RHOBTB1: variants seen among roughly 807,000 people sequenced by gnomAD.
RHOBTB1 encodes Rho related BTB domain containing 1.
Under a neutral mutation model 71.6 loss-of-function variants are expected in RHOBTB1, and 40 were observed. The observed-to-expected ratio is 0.56, with a 90% CI of 0.43 to 0.73. The LOEUF (loss-of-function observed/expected upper bound fraction) is 0.73, where lower values mean the gene tolerates loss of function less well. RHOBTB1 is among the 30% of genes least tolerant of loss of function. RHOBTB1 has a pLI of 0.00. For missense variants in RHOBTB1, 797 were observed against 894.0 expected (o/e 0.89, Z 1.38); for synonymous variants, 319 against 334.9 (o/e 0.95, Z 0.52).
Position 60,871,627 on chromosome 10 carries a change from T to C in RHOBTB1, c.1946A>G (p.His649Arg). Reference sequence around the variant, plus strand: ...CAGGTACCACACAGGGGGCCAGCGGTGCCGCTCGAAGTATTCCTGGTTGTC... The same window carrying C: ...CAGGTACCACACAGGGGGCCAGCGGCGCCGCTCGAAGTATTCCTGGTTGTC... ...SADNQEYFER[H>R]RWPPVWYLKE... Residue 649 changes from histidine (H) to arginine (R), a missense_variant, in exon 11 of 11, where the codon CAC becomes CGC. His to Arg is a conservative substitution (Grantham distance 29, BLOSUM62 0). Transcript: ENST00000337910. The C allele has an allele frequency of 1.2e-6, 2 of 1,614,020 alleles. No homozygotes were observed. The highest frequency in any genetic ancestry group is 1.7e-6 in the Non-Finnish European group (2 of 1,179,974).
At position 60,998,271 on chromosome 10, in the gene RHOBTB1, G is replaced by A. The variant is rs1029161434; in HGVS notation, c.-163+3128C>T. Among the ~76,000 whole-genome samples the A allele has an allele frequency of 3.9e-5, 6 of 152,136 alleles. No homozygotes were observed. In the East Asian group the frequency reaches 5.8e-4, roughly 15 times the overall value. ...GGGACAATATATTAGCCATTCACAC[G>A]TGTCTTTTATAAGAGATAATTACTT... On this transcript the variant is annotated intron_variant, in intron 1 of 11. Coordinates refer to the RHOBTB1 transcript ENST00000357917.
chr10:60,952,860 G>T (rs905652111), intron 2 of RHOBTB1, among the ~76,000 whole-genome samples: 3 of 151,932 alleles, frequency 2.0e-5, no homozygotes, highest in African/African-American at 4.8e-5. Flanking sequence ...GGATTCTCGG[G>T]GTCCTTGACA....
Position 60,914,889 on chromosome 10 carries a change from G to A in RHOBTB1, c.-10-3337C>T, listed in dbSNP as rs192103648. 7.2e-5 allele frequency among the ~76,000 whole-genome samples: 11 copies of A among 152,318 alleles called. No homozygotes were observed. In the East Asian group the frequency reaches 2.1e-3, roughly 29 times the overall value. ...CCAGACCAAAGTGACTGCCAAAGGT[G>A]CTGACCCTTGTGCAAAAGGGATAAT... On this transcript the variant is annotated intron_variant, in intron 2 of 10. Transcript: ENST00000337910.
chr10:60,893,022 G>C, intron 4 of RHOBTB1, 27 bp from the exon 5 acceptor site: 1 of 1,577,580 alleles, frequency 6.3e-7, no homozygotes, highest in Middle Eastern at 1.7e-4. Flanking sequence ...AAAGAAGCTT[G>C]TATTGCCTTT....
chr10:60,902,260 C>G (rs2082447641), intron 4 of RHOBTB1, among the ~76,000 whole-genome samples: 1 of 152,160 alleles, frequency 6.6e-6, no homozygotes, highest in Non-Finnish European at 1.5e-5. Context: ...TTCTTTAGTA[C>G]AGAATCCCTA....
chr10:60,919,848 C>G (rs996609123), intron 2 of RHOBTB1, among the ~76,000 whole-genome samples: 4 of 152,140 alleles, frequency 2.6e-5, no homozygotes, highest in Non-Finnish European at 1.5e-5. Context: ...GGGAGATGAA[C>G]CAAGATTAGA....
At chr10:60,947,574 G>A (rs1167545130), upstream of RHOBTB1, among the ~76,000 whole-genome samples, 1 of 152,072 alleles carries the variant, frequency 6.6e-6, no homozygotes, top group East Asian at 1.9e-4. Flanking sequence ...GTGATGTTTT[G>A]AGATTGACTT....
chr10:60,938,462 G>A (rs2084719841), intron 2 of RHOBTB1, among the ~76,000 whole-genome samples: 1 of 152,140 alleles, frequency 6.6e-6, no homozygotes, highest in African/African-American at 2.4e-5. Context: ...ATCCACATGA[G>A]GTTGGGCTAA....
chr10:60,882,845 C>G (rs1366508951), intron 7 of RHOBTB1, among the ~76,000 whole-genome samples: 2 of 152,104 alleles, frequency 1.3e-5, no homozygotes, highest in Non-Finnish European at 2.9e-5. Context: ...GGGACAAATA[C>G]CCTTAACCCC....
intron 1 of RHOBTB1, among the ~76,000 whole-genome samples, chr10:60,993,452 T>C (rs1013044587): frequency 6.6e-6 from 1 of 152,200 alleles, no homozygotes; most frequent in Non-Finnish European, 1.5e-5. Flanking sequence ...TATATTCATG[T>C]GTAAGTATAT....
intron 7 of RHOBTB1, among the ~76,000 whole-genome samples, chr10:60,878,996 C>G (rs1283417443): frequency 6.6e-6 from 1 of 152,186 alleles, no homozygotes; most frequent in Non-Finnish European, 1.5e-5. Context: ...ATCCTATGCA[C>G]CAGGCACTGC....
chr10:60,989,194 GAGA>G (rs2086773364), intron 1 of RHOBTB1, among the ~76,000 whole-genome samples: 1 of 105,274 alleles, frequency 9.5e-6, no homozygotes, highest in African/African-American at 3.6e-5. Flanking sequence ...GCAAATGAGA[GAGA>G]AAAAAAGTAG....
At chr10:60,863,180 G>A in the RHOBTB1 span, among the ~76,000 whole-genome samples, 4 of 152,148 alleles carry the variant, frequency 2.6e-5, no homozygotes, top group East Asian at 7.7e-4. Flanking sequence ...AATTCATTTA[G>A]GTTCAAGTAA....
At chr10:60,875,927 T>C (rs949076638) in intron 8 of RHOBTB1, among the ~76,000 whole-genome samples, 1 of 152,246 alleles carries the variant, frequency 6.6e-6, no homozygotes, top group Admixed American at 6.5e-5. Flanking sequence ...TCTTTGACAT[T>C]GATGTCATCT....
At chr10:60,939,924 A>G (rs2084808891) in intron 2 of RHOBTB1, among the ~76,000 whole-genome samples, 1 of 152,206 alleles carries the variant, frequency 6.6e-6, no homozygotes, top group African/African-American at 2.4e-5. Flanking sequence ...TTTGTTCATA[A>G]CATTATATGA....
chr10:60,889,231 A>G (rs2081788975), intron 5 of RHOBTB1, 46 bp from the exon 6 acceptor site: 2 of 1,531,634 alleles, frequency 1.3e-6, no homozygotes, highest in Non-Finnish European at 1.7e-6. Context: ...TGTTTTAGGA[A>G]AAAAACAGTA....
intron 1 of RHOBTB1, among the ~76,000 whole-genome samples, chr10:60,943,429 C>A (rs2134251931): frequency 6.6e-6 from 1 of 152,286 alleles, no homozygotes; most frequent in Middle Eastern, 3.4e-3. Context: ...CTCTGCAAGC[C>A]CCTCATGGCA....
Position 60,878,060 on chromosome 10 carries a change from T to A in RHOBTB1, c.1576-2A>T. ...CTTGTTTATGTTCGGGAGATACACC[T>A]GAAATGTTATACAAAAAGCTAAATT... On this transcript the variant is annotated splice_acceptor_variant, in intron 7 of 10. Coordinates refer to ENST00000337910, the MANE Select transcript of RHOBTB1 (RefSeq NM_014836.5). LOFTEE classifies it high-confidence loss of function. The A allele has an allele frequency of 6.2e-7, 1 of 1,608,002 alleles. No individual in the cohort carries two copies. Among genetic ancestry groups the A allele is most frequent in the Non-Finnish European group, 8.5e-7 (1 of 1,177,514 alleles).
chr10:60,925,558 G>T lies in RHOBTB1; in HGVS notation c.-10-14006C>A, dbSNP rs546342466. On this transcript the variant is annotated intron_variant, in intron 2 of 10. Coordinates refer to ENST00000337910, the MANE Select transcript of RHOBTB1 (RefSeq NM_014836.5). ...CAAGAGCAAACTAAACCCAAAATTAGTAGAAGAATTAATAAAGATCGGAGC... is the reference window on the plus strand; with the variant it reads ...CAAGAGCAAACTAAACCCAAAATTATTAGAAGAATTAATAAAGATCGGAGC... 2.0e-5 allele frequency among the ~76,000 whole-genome samples: 3 copies of T among 151,938 alleles called. No homozygotes were observed. In the South Asian group the frequency reaches 6.2e-4, roughly 31 times the overall value.
Sources: allele counts gnomAD v4.1 joint callset (sites outside exome capture counted in the v4.1 genomes callset), GRCh38; gene constraint gnomAD v4.1.1; transcripts MANE v1.5; gene names NCBI Gene and HGNC (gene_info 2026-07-23, HGNC 2026-07-21).